The following SPTBN4 variants were observed in gnomAD, a reference collection of about 807,000 sequenced individuals.
SPTBN4 encodes spectrin beta, non-erythrocytic 4.
SPTBN4 carries 96 observed loss-of-function variants against 277.8 expected under a neutral mutation model. That is an observed-to-expected ratio of 0.35 (90% confidence interval 0.29 to 0.41). SPTBN4 has a LOEUF of 0.41. SPTBN4 is among the 10% of genes least tolerant of loss of function. The probability of loss-of-function intolerance (pLI) is 1.00; values close to 1 mark genes in which losing one functional copy is unlikely to be tolerated. For missense variants in SPTBN4, 3,006 were observed against 3,595.7 expected, an observed-to-expected ratio of 0.84 and a Z score of 4.19; for synonymous variants, 1,481 against 1,580.3, an observed-to-expected ratio of 0.94 and a Z score of 1.49.
intron 14 of SPTBN4, among the ~76,000 whole-genome samples, chr19:40,514,489 T>TC (rs2080431470): frequency 6.6e-6 from 1 of 152,132 alleles, no homozygotes; most frequent in Non-Finnish European, 1.5e-5. Context: ...CCATGGAGAC[T>TC]GATGGGCTGG....
intron 35 of SPTBN4, among the ~76,000 whole-genome samples, chr19:40,574,455 G>C (rs1332178899): frequency 6.6e-6 from 1 of 151,282 alleles, no homozygotes; most frequent in Non-Finnish European, 1.5e-5. Flanking sequence ...TCCACTTCCC[G>C]GGTTCAAGCG....
Position 40,550,279 on chromosome 19 carries a change from G to A in SPTBN4, c.4626G>A (p.Glu1542=), listed in dbSNP as rs939720640. ...QERLPLAMQT[E]RGNGLQAVQQ... ...GGCTGCCACTGGCCATGCAGACAGAGCGAGGCAACGGTTTGCAGGCGGTCC... is the reference window on the plus strand; with the variant it reads ...GGCTGCCACTGGCCATGCAGACAGAACGAGGCAACGGTTTGCAGGCGGTCC... Residue 1542 remains glutamate, a synonymous_variant, in exon 22 of 36, where the codon GAG becomes GAA. Coordinates refer to ENST00000598249, the MANE Select transcript of SPTBN4 (RefSeq NM_020971.3). The A allele has an allele frequency of 1.9e-6, 3 of 1,612,892 alleles. No homozygotes were observed. Among genetic ancestry groups the A allele is most frequent in the African/African-American group, 2.7e-5 (2 of 74,912 alleles).
rs548831212 is a variant in SPTBN4 at position 40,472,685 on chromosome 19, G to A, written c.64G>A (p.Ala22Thr). 19 of 1,613,840 alleles carry A rather than the reference G, an allele frequency of 1.2e-5. No individual in the cohort carries two copies. The highest frequency in any genetic ancestry group is 1.1e-4 in the East Asian group (5 of 44,888). ...EGLPAPNNNP[A>T]ARWESPDRGW... ...CCTGCCTGCTCCTAACAACAACCCTGCTGCCCGCTGGGAGAGTCCGGATCG... is the reference window on the plus strand; with the variant it reads ...CCTGCCTGCTCCTAACAACAACCCTACTGCCCGCTGGGAGAGTCCGGATCG... The change falls in exon 2 of 36, where the codon GCT (alanine) becomes ACT (threonine). Residue 22 changes from alanine (A) to threonine (T), a missense_variant. Coordinates refer to ENST00000598249, the MANE Select transcript of SPTBN4 (RefSeq NM_020971.3).
intron 20 of SPTBN4, among the ~76,000 whole-genome samples, chr19:40,541,403 G>A (rs1293539979): frequency 1.3e-5 from 2 of 152,324 alleles, no homozygotes; most frequent in East Asian, 3.9e-4. Flanking sequence ...GGCAGGAAGT[G>A]ACTGTGTGGG....
intron 20 of SPTBN4, among the ~76,000 whole-genome samples, chr19:40,542,658 C>G (rs139268154): frequency 4.9e-4 from 74 of 152,102 alleles, no homozygotes; most frequent in African/African-American, 1.2e-3. Context: ...CCTCCTCCCC[C>G]CTGTTCTGCT....
At position 40,523,456 on chromosome 19, in the gene SPTBN4, C is replaced by T. The variant is rs755554918; in HGVS notation, c.3674C>T (p.Ala1225Val). The part of the protein sequence containing the change: ...LRNQEMALSG[A>V]ELPGTVESVE... ...CCCCAGGAGATGGCGCTGTCTGGTG[C>T]GGAGCTCCCGGGCACAGTGGAATCG... Residue 1225 changes from alanine (A) to valine (V), a missense_variant, in exon 17 of 36, where the codon GCG (alanine) becomes GTG (valine). Transcript: ENST00000598249. 9.9e-6 allele frequency: 16 copies of T among 1,608,506 alleles called. No individual in the cohort carries two copies. Among genetic ancestry groups the T allele is most frequent in the Non-Finnish European group, 1.4e-5 (16 of 1,177,262 alleles).
chr19:40,546,595 CA>C (rs1166368134), intron 20 of SPTBN4, among the ~76,000 whole-genome samples: 1 of 152,074 alleles, frequency 6.6e-6, no homozygotes, highest in African/African-American at 2.4e-5. Flanking sequence ...GTAATCCCAG[CA>C]CTTTGGAAGG....
chr19:40,484,946 AC>A (rs2080054216), intron 2 of SPTBN4, among the ~76,000 whole-genome samples: 1 of 150,418 alleles, frequency 6.6e-6, no homozygotes, highest in African/African-American at 2.5e-5. Flanking sequence ...AAAAAACAAA[AC>A]AAAAACCAAA....
chr19:40,488,217 T>C (rs957532110), intron 3 of SPTBN4, among the ~76,000 whole-genome samples: 6 of 151,692 alleles, frequency 4.0e-5, no homozygotes, highest in Non-Finnish European at 8.8e-5. Flanking sequence ...GGGCATGCTA[T>C]AAAACAGGGG....
At chr19:40,496,635 C>T (rs183635198) in intron 6 of SPTBN4, among the ~76,000 whole-genome samples, 6 of 152,284 alleles carry the variant, frequency 3.9e-5, no homozygotes, top group East Asian at 1.9e-4. Context: ...CACAGAGAAA[C>T]GCAGTAGCTC....
rs1263461877 is a variant in SPTBN4 at position 40,519,868 on chromosome 19, A to T, written c.3371A>T (p.Glu1124Val). The T allele has an allele frequency of 6.7e-7, 1 of 1,495,618 alleles. No individual in the cohort carries two copies. The highest frequency in any genetic ancestry group is 2.4e-5 in the Admixed American group (1 of 41,064). The allele number at this position is 1,495,618 out of a possible 1,614,324, so 92.6% of individuals were successfully genotyped here. ...SEGPLPNSLE[E>V]ADALLARHAA... is the part of the protein sequence containing the mutation. ...GGGCCCCTGCCCAACAGCCTAGAAG[A>T]GGCGGACGCGCTGCTGGCGCGCCAC... The change falls in exon 16 of 36, where the codon GAG becomes GTG. Residue 1124 changes from glutamate to valine, a missense_variant. Glu to Val is a moderately radical substitution (Grantham distance 121, BLOSUM62 -2). Transcript: ENST00000598249. The surrounding 1 kb of genome is among the most constrained non-coding windows in gnomAD (Gnocchi z 5.7).
At chr19:40,527,174 T>C (rs941180461) in intron 17 of SPTBN4, among the ~76,000 whole-genome samples, 41 of 152,322 alleles carry the variant, frequency 2.7e-4, no homozygotes, top group African/African-American at 9.9e-4. Flanking sequence ...TGTATCTCTG[T>C]TTCCTGCTCC....
At position 40,573,519 on chromosome 19, in the gene SPTBN4, G is replaced by A. The variant is rs184688042; in HGVS notation, c.7536+1139G>A. ...CCTAAGGGCACTGGAGAGCTAGGGG[G>A]GATTACAGTGATGTGTAAAAAAGAT... On this transcript the variant is annotated intron_variant, in intron 35 of 35. Coordinates refer to ENST00000598249, the MANE Select transcript of SPTBN4 (RefSeq NM_020971.3). 9.7e-4 allele frequency among the ~76,000 whole-genome samples: 148 copies of A among 152,292 alleles called. 1 individual carries two copies. Among genetic ancestry groups the A allele is most frequent in the South Asian group, 1.4e-3 (7 of 4,830 alleles).
intron 22 of SPTBN4, among the ~76,000 whole-genome samples, chr19:40,552,568 T>C (rs2080930891): frequency 6.6e-6 from 1 of 151,904 alleles, no homozygotes; most frequent in Admixed American, 6.6e-5. Context: ...CCCTATGAGG[T>C]AGATATTGTC....
chr19:40,555,939 G>T lies in SPTBN4; in HGVS notation c.5085-145G>T, dbSNP rs1047229364. The T allele has an allele frequency of 4.6e-5, 32 of 699,752 alleles. No homozygotes were observed. The Middle Eastern group carries it at 1.6e-3, about 36-fold the overall frequency. 43.3% of individuals were successfully genotyped at this position (699,752 alleles called of 1,614,324 possible). ...CTCCAAAAAAAAAGAAAAAAGAAAA[G>T]AAAACAGAGCTCTACCTGGGGACAC... On this transcript the variant is annotated intron_variant, in intron 24 of 35. Coordinates refer to ENST00000598249, the MANE Select transcript of SPTBN4 (RefSeq NM_020971.3).
At chr19:40,471,051 G>C (rs576294637) in intron 1 of SPTBN4, among the ~76,000 whole-genome samples, 3 of 151,316 alleles carry the variant, frequency 2.0e-5, no homozygotes, top group Non-Finnish European at 4.4e-5. Flanking sequence ...CCAGGTTCAA[G>C]TGATTCTCCT....
intron 1 of SPTBN4, among the ~76,000 whole-genome samples, 167 bp downstream of exon 1, chr19:40,467,472 C>T (rs1381762118): frequency 1.3e-5 from 2 of 152,132 alleles, no homozygotes; most frequent in Non-Finnish European, 2.9e-5. Context: ...CCCGGTCTAG[C>T]TTCCGCGCCA....
chr19:40,537,395 A>G (rs1400773271), intron 20 of SPTBN4, among the ~76,000 whole-genome samples: 2 of 152,228 alleles, frequency 1.3e-5, no homozygotes, highest in South Asian at 4.1e-4. Flanking sequence ...AGCACAGGTC[A>G]TCAGGTCTCT....
chr19:40,530,661 G>C, intron 18 of SPTBN4: 2 of 851,760 alleles, frequency 2.3e-6, no homozygotes, highest in Non-Finnish European at 2.8e-6. Flanking sequence ...GGGCTCGGGC[G>C]CGTGCCCGCC....
Sources: allele counts gnomAD v4.1 joint callset (sites outside exome capture counted in the v4.1 genomes callset), GRCh38; gene constraint gnomAD v4.1.1; non-coding constraint Gnocchi (gnomAD v3.1); transcripts MANE v1.5; gene names NCBI Gene and HGNC (gene_info 2026-07-23, HGNC 2026-07-21).